ATP11B: variants seen among roughly 807,000 people sequenced by gnomAD.
The protein encoded by ATP11B is ATPase phospholipid transporting 11B (putative), also known as phospholipid-transporting ATPase IF.
A neutral mutation model predicts 157.8 loss-of-function variants in ATP11B; 81 were observed. The ratio of observed to expected loss-of-function variants is 0.51; its 90% CI spans 0.43 to 0.62. The LOEUF (loss-of-function observed/expected upper bound fraction) is 0.62, where lower values mean the gene tolerates loss of function less well. Among genes scored for constraint, ATP11B ranks in the 20% least tolerant of loss-of-function variants. ATP11B has a pLI of 0.00. For synonymous variants in ATP11B, 451 were observed against 469.4 expected (o/e 0.96, Z 0.51); for missense variants, 1,165 against 1,402.2 (o/e 0.83, Z 2.70).
chr3:182,823,341 G>A (rs1381822434), intron 2 of ATP11B, among the ~76,000 whole-genome samples: 47 of 152,102 alleles, frequency 3.1e-4, no homozygotes, highest in Admixed American at 1.0e-3. Flanking sequence ...ATGGCTAGCC[G>A]GTTTTCCCAG....
At chr3:182,890,106 A>G (rs987405783) in intron 25 of ATP11B, among the ~76,000 whole-genome samples, 3 of 152,216 alleles carry the variant, frequency 2.0e-5, no homozygotes, top group Admixed American at 6.5e-5. Flanking sequence ...TTTCCGAAGC[A>G]TGAAATTAGG....
intron 2 of ATP11B, among the ~76,000 whole-genome samples, chr3:182,823,300 A>G (rs1192037164): frequency 2.0e-5 from 3 of 152,226 alleles, no homozygotes; most frequent in Non-Finnish European, 4.4e-5. Context: ...TATAAGGTGT[A>G]AGAAAGGGAT....
intron 10 of ATP11B, among the ~76,000 whole-genome samples, chr3:182,852,341 A>G (rs1720044120): frequency 1.3e-5 from 2 of 152,304 alleles, no homozygotes. Context: ...AGCAAAAGAG[A>G]AGTGGTATAA....
intron 10 of ATP11B, among the ~76,000 whole-genome samples, chr3:182,855,195 A>G (rs1456620906): frequency 6.6e-6 from 1 of 152,220 alleles, no homozygotes; most frequent in Non-Finnish European, 1.5e-5. Flanking sequence ...TGTTGGTTAA[A>G]GAATAGATAC....
chr3:182,890,579 T>C (rs1012394642), intron 25 of ATP11B, among the ~76,000 whole-genome samples: 6 of 152,130 alleles, frequency 3.9e-5, no homozygotes, highest in African/African-American at 2.4e-5. Flanking sequence ...CAAAATCCCT[T>C]TACCTTATAG....
At chr3:182,887,780 A>C (rs1722898513) in intron 24 of ATP11B, 67 bp downstream of exon 24, 1 of 1,503,990 alleles carries the variant, frequency 6.6e-7, no homozygotes, top group Middle Eastern at 1.7e-4. Flanking sequence ...AGATTTATTT[A>C]TGTCTTGGTG....
chr3:182,865,336 C>A, intron 12 of ATP11B, 120 bp from the exon 13 acceptor site: 1 of 866,656 alleles, frequency 1.2e-6, no homozygotes, highest in Non-Finnish European at 1.8e-6. Flanking sequence ...TCTCAGCATC[C>A]ATATATCAAT....
chr3:182,836,664 G>A, intron 6 of ATP11B, 194 bp downstream of exon 6: 2 of 569,336 alleles, frequency 3.5e-6, no homozygotes, highest in Non-Finnish European at 5.8e-6. Flanking sequence ...CCTCACATGG[G>A]TTTAATCCAA....
intron 1 of ATP11B, among the ~76,000 whole-genome samples, chr3:182,819,557 C>G (rs1479536321): frequency 6.6e-6 from 1 of 152,156 alleles, no homozygotes; most frequent in African/African-American, 2.4e-5. Context: ...TCTTCTCAAT[C>G]TGAGGTCAGG....
chr3:182,836,027 A>G lies in ATP11B; in HGVS notation c.316-8A>G. The G allele has an allele frequency of 6.3e-7, 1 of 1,589,758 alleles. No homozygotes were observed. Among genetic ancestry groups the G allele is most frequent in the Non-Finnish European group, 8.6e-7 (1 of 1,167,546 alleles). ...AAAAATTATTTTTTACCCTTTGGAT[A>G]TTTACAGGGATATGAAGATTGGTTA... On this transcript the variant is annotated splice_polypyrimidine_tract_variant and splice_region_variant and intron_variant, in intron 4 of 29. Transcript: ENST00000323116.
At chr3:182,850,706 C>G (rs1719908255) in intron 10 of ATP11B, among the ~76,000 whole-genome samples, 2 of 151,996 alleles carry the variant, frequency 1.3e-5, no homozygotes, top group African/African-American at 4.8e-5. Flanking sequence ...AACGTAATTA[C>G]CATATGATCC....
rs1475871978 is a variant in ATP11B, at chr3:182,920,974, A to C, written c.*2870A>C. On this transcript the variant is annotated 3_prime_UTR_variant, in exon 30 of 30. Transcript: ENST00000323116. ...CTAGGAAATACTTGCATTCTGCCCT[A>C]CGGTTAGTACCAGGACTGAGGTCAT... The C allele has an allele frequency of 6.6e-6, 1 of 152,274 alleles. No homozygotes were observed. Among genetic ancestry groups the C allele is most frequent in the Non-Finnish European group, 1.5e-5 (1 of 68,084 alleles). The allele number at this position is 152,274 out of a possible 1,614,324, so 9.4% of individuals were successfully genotyped here. A position where few individuals can be genotyped will look rare whatever the true frequency, so the allele number is the denominator to read the frequency against.
At position 182,918,320 on chromosome 3, in the gene ATP11B, A is replaced by C. The variant is rs1725267875; in HGVS notation, c.*216A>C. 1.8e-6 allele frequency: 1 copy of C among 549,964 alleles called. No individual in the cohort carries two copies. The highest frequency in any genetic ancestry group is 1.9e-5 in the African/African-American group (1 of 51,688). The allele number at this position is 549,964 out of a possible 1,614,324, so 34.1% of individuals were successfully genotyped here. A position where few individuals can be genotyped will look rare whatever the true frequency, so the allele number is the denominator to read the frequency against. ...AATCTGAACATGTTAAAATTTGAGA[A>C]TAAAGAGACATTTTTCATCTCTTTG... On this transcript the variant is annotated 3_prime_UTR_variant, in exon 30 of 30. Transcript: ENST00000323116.
At chr3:182,895,278 T>C (rs933447539) in intron 25 of ATP11B, among the ~76,000 whole-genome samples, 4 of 152,142 alleles carry the variant, frequency 2.6e-5, no homozygotes, top group African/African-American at 9.7e-5. Flanking sequence ...AAGCACAGGT[T>C]CAGTATGACT....
At chr3:182,861,080 T>TTTTTTG (rs1483942256) in intron 12 of ATP11B, among the ~76,000 whole-genome samples, 1 of 151,728 alleles carries the variant, frequency 6.6e-6, no homozygotes, top group Non-Finnish European at 1.5e-5. Flanking sequence ...TTTTTTTTTT[T>TTTTTTG]TTGAGACGGA....
In ATP11B at chr3:182,919,780, T is replaced by C. The variant is rs1412979088; in HGVS notation, c.*1676T>C. The C allele has an allele frequency of 6.6e-6, 1 of 152,236 alleles. No individual in the cohort carries two copies. The allele number at this position is 152,236 out of a possible 1,614,324, so 9.4% of individuals were successfully genotyped here. On this transcript the variant is annotated 3_prime_UTR_variant, in exon 30 of 30. Coordinates refer to ENST00000323116, the MANE Select transcript of ATP11B (RefSeq NM_014616.3). ...TTTTCTTGCTAATGTAACATTTGTCTGTTCCAGTGATGTAAGGATATTAAG... is the reference window on the plus strand; with the variant it reads ...TTTTCTTGCTAATGTAACATTTGTCCGTTCCAGTGATGTAAGGATATTAAG...
At chr3:182,797,024 T>G (rs1167359569) in intron 1 of ATP11B, among the ~76,000 whole-genome samples, 5 of 152,350 alleles carry the variant, frequency 3.3e-5, no homozygotes, top group African/African-American at 1.2e-4. Flanking sequence ...CCCTCAACTT[T>G]CTGTTCTTCC....
chr3:182,838,773 A>G (rs918767504), intron 7 of ATP11B, among the ~76,000 whole-genome samples: 1 of 149,282 alleles, frequency 6.7e-6, no homozygotes, highest in Non-Finnish European at 1.5e-5. Flanking sequence ...TAACACATAT[A>G]TGTGCTATAT....
chr3:182,817,384 A>G (rs1325702062), intron 1 of ATP11B, among the ~76,000 whole-genome samples: 1 of 151,910 alleles, frequency 6.6e-6, no homozygotes, highest in Non-Finnish European at 1.5e-5. Context: ...GGGTTCAAGC[A>G]GTTCCCCTGC....
Sources: allele counts gnomAD v4.1 joint callset (sites outside exome capture counted in the v4.1 genomes callset), GRCh38; gene constraint gnomAD v4.1.1; transcripts MANE v1.5; gene names NCBI Gene and HGNC (gene_info 2026-07-23, HGNC 2026-07-21).